ARHGAP6: variants seen among roughly 807,000 people sequenced by gnomAD.
The protein encoded by ARHGAP6 is rho GTPase-activating protein 6.
Under a neutral mutation model 55.7 loss-of-function variants are expected in ARHGAP6, and 16 were observed. The observed-to-expected ratio is 0.29, with a 90% CI of 0.19 to 0.44. The LOEUF is 0.44. Among genes scored for constraint, ARHGAP6 ranks in the 20% least tolerant of loss-of-function variants. The pLI is 1.00. For synonymous variants in ARHGAP6, 382 were observed against 360.9 expected, an observed-to-expected ratio of 1.06 and a Z score of -0.66; for missense variants, 698 against 808.9, an observed-to-expected ratio of 0.86 and a Z score of 1.66.
At chrX:11,171,266 C>T (rs1024858430) in intron 8 of ARHGAP6, among the ~76,000 whole-genome samples, 1 of 110,933 alleles carries the variant, frequency 9.0e-6, no homozygotes, top group Non-Finnish European at 1.9e-5. Flanking sequence ...TCAGCCATTC[C>T]TATGCCTTCC....
chrX:11,153,420 G>C (rs1348713626), intron 10 of ARHGAP6, among the ~76,000 whole-genome samples: 2 of 106,631 alleles, frequency 1.9e-5, no homozygotes, highest in Admixed American at 1.0e-4. Context: ...AGCTACTTGG[G>C]AGGCTGAGGC....
chrX:11,549,162 G>A (rs1211551513), intron 1 of ARHGAP6, among the ~76,000 whole-genome samples: 1 of 111,916 alleles, frequency 8.9e-6, no homozygotes, highest in African/African-American at 3.2e-5. Flanking sequence ...TGCAAAGCAA[G>A]GGGTAGAGAT....
chrX:11,161,192 C>A (rs763742005), intron 9 of ARHGAP6, among the ~76,000 whole-genome samples: 1 of 112,244 alleles, frequency 8.9e-6, no homozygotes, highest in Non-Finnish European at 1.9e-5. Context: ...TTCTTCTAAT[C>A]TTTGGCTATA....
chrX:11,164,975 A>T (rs1262886410), intron 9 of ARHGAP6, among the ~76,000 whole-genome samples: 1 of 111,980 alleles, frequency 8.9e-6, no homozygotes, highest in Non-Finnish European at 1.9e-5. Context: ...GATAATACCA[A>T]TGACTTTGTG....
chrX:11,219,882 C>T (rs1335433686), intron 2 of ARHGAP6, among the ~76,000 whole-genome samples: 8 of 95,720 alleles, frequency 8.4e-5, no homozygotes, highest in Non-Finnish European at 1.5e-4. Flanking sequence ...TGCAGAAGCT[C>T]TTTAGTTTAA....
chrX:11,625,886 T>C (rs2052293182), intron 1 of ARHGAP6, among the ~76,000 whole-genome samples: 1 of 111,805 alleles, frequency 8.9e-6, no homozygotes, highest in African/African-American at 3.2e-5. Flanking sequence ...CTACTGAAAT[T>C]TTGTACTAAG....
intron 1 of ARHGAP6, among the ~76,000 whole-genome samples, chrX:11,493,760 C>G (rs1028761165): frequency 5.5e-5 from 6 of 108,518 alleles, no homozygotes; most frequent in Non-Finnish European, 1.1e-4. Flanking sequence ...ATTCAAGCAT[C>G]AAAATATTTC....
intron 1 of ARHGAP6, among the ~76,000 whole-genome samples, chrX:11,418,114 G>A (rs777162166): frequency 8.9e-6 from 1 of 112,027 alleles, no homozygotes; most frequent in African/African-American, 3.2e-5. Flanking sequence ...ACACAATATA[G>A]TCCCTGGTTC....
chrX:11,195,091 T>A lies in ARHGAP6; in HGVS notation c.820+1834A>T, dbSNP rs1171722049. On this transcript the variant is annotated intron_variant, in intron 3 of 12. Coordinates refer to ENST00000337414, the MANE Select transcript of ARHGAP6 (RefSeq NM_013427.3). ...AAGCAGCAAAAAGTGCGGTGGCTCATGCTTGTAATCCCAGCACTTTGGGAG... is the reference window on the plus strand; with the variant it reads ...AAGCAGCAAAAAGTGCGGTGGCTCAAGCTTGTAATCCCAGCACTTTGGGAG... Among the ~76,000 whole-genome samples the A allele has an allele frequency of 5.4e-5, 6 of 111,972 alleles. No individual in the cohort carries two copies. In the Admixed American group the frequency reaches 5.7e-4, roughly 11 times the overall value.
chrX:11,227,065 G>A (rs1188334151), intron 2 of ARHGAP6, among the ~76,000 whole-genome samples: 3 of 111,855 alleles, frequency 2.7e-5, no homozygotes, highest in Non-Finnish European at 5.6e-5. Flanking sequence ...TAATAACCTT[G>A]TGAAAAGACA....
chrX:11,525,586 T>G (rs1254174196), intron 1 of ARHGAP6, among the ~76,000 whole-genome samples: 1 of 112,095 alleles, frequency 8.9e-6, no homozygotes, highest in African/African-American at 3.2e-5. Context: ...CCATACTGCC[T>G]GGCATAAGAC....
At chrX:11,485,085 A>T (rs1169681315) in intron 1 of ARHGAP6, among the ~76,000 whole-genome samples, 1 of 112,072 alleles carries the variant, frequency 8.9e-6, no homozygotes, top group Admixed American at 9.5e-5. Flanking sequence ...CAGTGTAATT[A>T]CCCAATTATG....
intron 1 of ARHGAP6, among the ~76,000 whole-genome samples, chrX:11,628,520 C>T (rs1049808970): frequency 8.9e-6 from 1 of 112,704 alleles, no homozygotes; most frequent in Non-Finnish European, 1.9e-5. Context: ...ATATTCTCTG[C>T]ATATTTTGCA....
intron 2 of ARHGAP6, among the ~76,000 whole-genome samples, chrX:11,242,286 A>G (rs2047293738): frequency 8.9e-6 from 1 of 112,422 alleles, no homozygotes; most frequent in Admixed American, 9.4e-5. Flanking sequence ...CATGGTTTAG[A>G]TGCCATAGCT....
chrX:11,657,953 A>G (rs1356972931), intron 1 of ARHGAP6, among the ~76,000 whole-genome samples: 3 of 111,980 alleles, frequency 2.7e-5, no homozygotes, highest in African/African-American at 9.7e-5. Context: ...AACTTAGGGA[A>G]CTTTGAGAGA....
intron 1 of ARHGAP6, among the ~76,000 whole-genome samples, chrX:11,431,188 T>C (rs1307767603): frequency 8.9e-6 from 1 of 112,110 alleles, no homozygotes; most frequent in African/African-American, 3.2e-5. Context: ...ATTTATCTGA[T>C]GTTTATCATT....
At chrX:11,317,220 A>G (rs1325193804) in intron 1 of ARHGAP6, among the ~76,000 whole-genome samples, 1 of 112,630 alleles carries the variant, frequency 8.9e-6, no homozygotes, top group Non-Finnish European at 1.9e-5. Context: ...AGAGTTACTC[A>G]GCACTATTGA....
Position 11,371,461 on chromosome X carries a change from T to A in ARHGAP6, c.589-116754A>T, listed in dbSNP as rs770876715. The stretch of plus-strand genomic sequence containing the variant: ...TCTTAACTAAAAGACCATGCTACTT[T>A]ACCAAAAACAACAACAACAAAACCA... On this transcript the variant is annotated intron_variant, in intron 1 of 12. Transcript: ENST00000337414. Among the ~76,000 whole-genome samples, 21 of 112,298 alleles carry A rather than the reference T, an allele frequency of 1.9e-4. No homozygotes were observed. The East Asian group carries it at 5.8e-3, about 31-fold the overall frequency.
chrX:11,326,181 T>G lies in ARHGAP6; in HGVS notation c.589-71474A>C, dbSNP rs536646232. ...TTCGCTTTTGTTGCCCAGGCTGGAG[T>G]GCAATGGCATGATCTCGGCTCACTG... On this transcript the variant is annotated intron_variant, in intron 1 of 12. Transcript: ENST00000337414. Among the ~76,000 whole-genome samples the G allele has an allele frequency of 3.6e-3, 389 of 106,985 alleles. 1 individual carries two copies. Among genetic ancestry groups the G allele is most frequent in the South Asian group, 9.8e-3 (23 of 2,354 alleles). 92.9% of individuals were successfully genotyped at this position (106,985 alleles called of 115,157 possible).
Sources: allele counts gnomAD v4.1 joint callset (sites outside exome capture counted in the v4.1 genomes callset), GRCh38; gene constraint gnomAD v4.1.1; transcripts MANE v1.5; gene names NCBI Gene and HGNC (gene_info 2026-07-23, HGNC 2026-07-21).